Variants in NDUFA10 observed in about 807,000 individuals in gnomAD.
NDUFA10 encodes the protein NADH dehydrogenase [ubiquinone] 1 alpha subcomplex subunit 10, mitochondrial.
A neutral mutation model predicts 47.8 loss-of-function variants in NDUFA10; 40 were observed. The ratio of observed to expected loss-of-function variants is 0.84; its 90% CI spans 0.65 to 1.09. The LOEUF is 1.09. NDUFA10 is among the 50% of genes least tolerant of loss of function. The pLI, the probability that NDUFA10 is intolerant of heterozygous loss-of-function variation, is 0.00. For synonymous variants in NDUFA10, 183 were observed against 172.2 expected (o/e 1.06, Z -0.49); for missense variants, 413 against 451.1 (o/e 0.92, Z 0.76).
chr2:239,903,890 A>C (rs1171026173), intron 4 of NDUFA10, among the ~76,000 whole-genome samples: 1 of 152,184 alleles, frequency 6.6e-6, no homozygotes, highest in Non-Finnish European at 1.5e-5. Flanking sequence ...GCAGGGGAGA[A>C]CTTTGTGTCA....
chr2:239,950,016 G>T (rs1694524974), intron 4 of NDUFA10, among the ~76,000 whole-genome samples: 1 of 152,156 alleles, frequency 6.6e-6, no homozygotes, highest in South Asian at 2.1e-4. Context: ...CCACCCTAGA[G>T]CCTATTTTCT....
At chr2:239,892,583 C>A (rs1393296334) in exon 6 of NDUFA10, 1 of 152,148 alleles carries the variant, frequency 6.6e-6, no homozygotes, top group East Asian at 1.9e-4. Flanking sequence ...TCTGGGACAG[C>A]CTTACGTACC....
At chr2:240,023,785 G>C (rs1453384916) in intron 1 of NDUFA10, among the ~76,000 whole-genome samples, 4 of 152,176 alleles carry the variant, frequency 2.6e-5, no homozygotes, top group African/African-American at 9.7e-5. Context: ...GAAGAAACAA[G>C]TTACAAAACA....
At position 239,925,240 on chromosome 2, in the gene NDUFA10, T is replaced by C. The variant is rs189140192; in HGVS notation, c.295-29926A>G. On this transcript the variant is annotated intron_variant, in intron 4 of 5. Transcript: ENST00000419408. ...AAACTAGACTAGCTTAAACAAATTT[T>C]GAAAAAGAAGAAAAATGTGGGAGGA... Among the ~76,000 whole-genome samples the C allele has an allele frequency of 1.5e-3, 231 of 152,262 alleles. 4 individuals are homozygous for C. The highest frequency in any genetic ancestry group is 4.9e-3 in the African/African-American group (205 of 41,580).
intron 4 of NDUFA10, among the ~76,000 whole-genome samples, chr2:239,919,319 C>T (rs1693928486): frequency 6.6e-6 from 1 of 152,158 alleles, no homozygotes; most frequent in Non-Finnish European, 1.5e-5. Context: ...CCTCCCACCC[C>T]TGCTTGAAAT....
Position 239,960,470 on chromosome 2 carries a change from C to T in NDUFA10, c.*648G>A, listed in dbSNP as rs1694804958. 1.4e-5 allele frequency: 14 copies of T among 989,760 alleles called. No homozygotes were observed. Among genetic ancestry groups the T allele is most frequent in the African/African-American group, 8.7e-5 (5 of 57,264 alleles). The allele number at this position is 989,760 out of a possible 1,614,324, so 61.3% of individuals were successfully genotyped here. On this transcript the variant is annotated 3_prime_UTR_variant, in exon 10 of 10. Coordinates refer to ENST00000252711, the MANE Select transcript of NDUFA10 (RefSeq NM_004544.4). ...GAGTTTGAGACGCTGAGGACGGCCA[C>T]GTGAATCTTTCTCAACGTCTCTCTT... is the stretch of plus-strand genomic sequence containing the variant.
At position 239,960,512 on chromosome 2, in the gene NDUFA10, T is replaced by A. The variant is rs534298146; in HGVS notation, c.*606A>T. ...GTCTCTCTTAAAACATATTGTTCTG[T>A]AAATCTGTGGTAATTTTCTCCTTTT... On this transcript the variant is annotated 3_prime_UTR_variant, in exon 10 of 10. Coordinates refer to ENST00000252711, the MANE Select transcript of NDUFA10 (RefSeq NM_004544.4). 45 of 999,888 alleles carry A rather than the reference T, an allele frequency of 4.5e-5. No homozygotes were observed. Among genetic ancestry groups the A allele is most frequent in the Admixed American group, 4.1e-4 (8 of 19,298 alleles). 61.9% of individuals were successfully genotyped at this position (999,888 alleles called of 1,614,324 possible).
chr2:239,947,500 C>G (rs1254576474), intron 4 of NDUFA10, among the ~76,000 whole-genome samples: 1 of 152,198 alleles, frequency 6.6e-6, no homozygotes, highest in East Asian at 1.9e-4. Context: ...CAGACAGGGA[C>G]AGTCCCTGCC....
chr2:240,011,021 T>C (rs1352170742), intron 6 of NDUFA10, among the ~76,000 whole-genome samples: 1 of 152,084 alleles, frequency 6.6e-6, no homozygotes, highest in East Asian at 1.9e-4. Context: ...CGTGAATGAG[T>C]GTGGCAGACA....
intron 4 of NDUFA10, among the ~76,000 whole-genome samples, chr2:239,897,612 G>A (rs1183115757): frequency 3.3e-5 from 5 of 152,314 alleles, no homozygotes; most frequent in South Asian, 2.1e-4. Flanking sequence ...CTGGAGGGCC[G>A]AAGAGAGTCC....
At chr2:240,000,926 G>A (rs1041234464) in intron 8 of NDUFA10, among the ~76,000 whole-genome samples, 3 of 152,178 alleles carry the variant, frequency 2.0e-5, no homozygotes, top group Non-Finnish European at 2.9e-5. Context: ...TGATGAAATC[G>A]CCTAACGACA....
At chr2:240,025,169 A>AC in intron 1 of NDUFA10, 58 bp downstream of exon 1, 15 of 430,488 alleles carry the variant, frequency 3.5e-5, no homozygotes, top group South Asian at 9.3e-5. Context: ...ACTGCTCCCC[A>AC]CCCCGCCACC....
chr2:239,956,149 C>T (rs1250071494), downstream of NDUFA10, among the ~76,000 whole-genome samples: 5 of 152,236 alleles, frequency 3.3e-5, no homozygotes, highest in Admixed American at 3.3e-4. Context: ...ACCCCTCCCA[C>T]GGGTGCAACC....
chr2:239,925,401 G>T (rs535813986), intron 4 of NDUFA10, among the ~76,000 whole-genome samples: 1 of 152,308 alleles, frequency 6.6e-6, no homozygotes, highest in South Asian at 2.1e-4. Context: ...TTTGACAAAG[G>T]TGCAAAAGCA....
chr2:239,936,746 C>A (rs4500980), intron 4 of NDUFA10, among the ~76,000 whole-genome samples: 38,794 of 152,070 alleles, frequency 0.26, 5,853 homozygotes, highest in African/African-American at 0.41. Flanking sequence ...TGAGGTCAGG[C>A]GTTCAAGACC....
chr2:239,959,929 G>A lies in NDUFA10; in HGVS notation c.*1189C>T, dbSNP rs66534347. 331,910 of 985,268 alleles carry A rather than the reference G, an allele frequency of 0.34. 56,895 individuals are homozygous for A. The highest frequency in any genetic ancestry group is 0.42 in the East Asian group (3,691 of 8,816). 61.0% of individuals were successfully genotyped at this position (985,268 alleles called of 1,614,324 possible). ...GCATGCTCCGCAGCAGCGAGGCCTG[G>A]TAGAGCTTCCGCGGGGAGCAGAGCA... On this transcript the variant is annotated 3_prime_UTR_variant, in exon 10 of 10. Coordinates refer to ENST00000252711, the MANE Select transcript of NDUFA10 (RefSeq NM_004544.4).
At chr2:239,970,538 T>TA (rs920395115) in intron 9 of NDUFA10, among the ~76,000 whole-genome samples, 6 of 152,244 alleles carry the variant, frequency 3.9e-5, no homozygotes, top group Non-Finnish European at 5.9e-5. Context: ...CTTTAAAAGA[T>TA]AACTTACTGT....
chr2:239,966,858 T>TTC (rs1255174806), intron 9 of NDUFA10, among the ~76,000 whole-genome samples: 2 of 107,252 alleles, frequency 1.9e-5, no homozygotes, highest in Non-Finnish European at 4.0e-5. Context: ...CTTTTTTTTT[T>TTC]TTTTTTTTTT....
intron 4 of NDUFA10, among the ~76,000 whole-genome samples, chr2:239,951,619 T>G (rs978615104): frequency 6.6e-6 from 1 of 152,064 alleles, no homozygotes; most frequent in Non-Finnish European, 1.5e-5. Context: ...GCGGCAGGCT[T>G]GGTCACAGCC....
Sources: allele counts gnomAD v4.1 joint callset (sites outside exome capture counted in the v4.1 genomes callset), GRCh38; gene constraint gnomAD v4.1.1; transcripts MANE v1.5; gene names NCBI Gene and HGNC (gene_info 2026-07-23, HGNC 2026-07-21).